Variants in PCDHGA2 observed in about 807,000 individuals in gnomAD.
PCDHGA2 encodes the protein protocadherin gamma subfamily A, 2, also known as protocadherin gamma-A2.
In PCDHGA2, 40 loss-of-function variants were observed where a neutral mutation model predicts 59.2. The observed-to-expected ratio is 0.68, with a 90% confidence interval of 0.52 to 0.88. The LOEUF is 0.88. Ranked by LOEUF, PCDHGA2 falls within the 40% of genes least tolerant of loss-of-function variation. The pLI, the probability that PCDHGA2 is intolerant of heterozygous loss-of-function variation, is 0.00. For synonymous variants in PCDHGA2, 560 were observed against 526.0 expected (o/e 1.06, Z -0.89); for missense variants, 1,226 against 1,204.0 (o/e 1.02, Z -0.27).
At chr5:141,389,944 A>T in intron 1 of PCDHGA2, 1 of 1,613,974 alleles carries the variant, frequency 6.2e-7, no homozygotes, top group East Asian at 2.2e-5. Context: ...GCTGAGCTGC[A>T]GTTTTACCTA....
Position 141,372,509 on chromosome 5 carries a change from C to T in PCDHGA2, c.2424+31114C>T, listed in dbSNP as rs770630386. 11 of 1,614,056 alleles carry T rather than the reference C, an allele frequency of 6.8e-6. No homozygotes were observed. The South Asian group carries it at 9.9e-5, about 14-fold the overall frequency. On this transcript the variant is annotated intron_variant, in intron 1 of 3. Coordinates refer to ENST00000394576, the MANE Select transcript of PCDHGA2 (RefSeq NM_018915.4). Reference sequence around the variant, plus strand: ...CCTTGATCTCAGTGCTCTTCCTCCTCGCGGTGATTCTGGCAATCTCCCTGC... The same window carrying T: ...CCTTGATCTCAGTGCTCTTCCTCCTTGCGGTGATTCTGGCAATCTCCCTGC...
Position 141,340,690 on chromosome 5 carries a change from T to C in PCDHGA2, c.1719T>C (p.Thr573=), listed in dbSNP as rs61749028. The C allele has an allele frequency of 4.3e-4, 697 of 1,614,128 alleles. 3 individuals carry two copies. The African/African-American group carries it at 7.7e-3, about 18-fold the overall frequency. The change falls in exon 1 of 4, where the codon ACT becomes ACC. Residue 573 remains threonine (T), a synonymous_variant. Coordinates refer to ENST00000394576, the MANE Select transcript of PCDHGA2 (RefSeq NM_018915.4). The stretch of plus-strand genomic sequence containing the variant: ...CTGCCTTCCCCACAGACGGTTCCAC[T>C]GGCGTGGAGCTGGCGCCCCGCTCCG... ...LYPAFPTDGS[T]GVELAPRSAE...
At chr5:141,396,729 T>C (rs1197764011) in intron 1 of PCDHGA2, 1 of 152,214 alleles carries the variant, frequency 6.6e-6, no homozygotes, top group Non-Finnish European at 1.5e-5. Flanking sequence ...CCTGAATTGA[T>C]TGTTGTAAGG....
intron 1 of PCDHGA2, chr5:141,350,389 A>T (rs531444632): frequency 6.3e-7 from 1 of 1,596,640 alleles, no homozygotes; most frequent in South Asian, 1.1e-5. Context: ...CCAACGGCTC[A>T]CGGGTGGGGA....
At chr5:141,399,470 TC>T in intron 1 of PCDHGA2, 1 of 1,614,018 alleles carries the variant, frequency 6.2e-7, no homozygotes, top group South Asian at 1.1e-5. Context: ...GCTCCGGTTT[TC>T]CACCAGGCGT....
At chr5:141,366,024 C>G in intron 1 of PCDHGA2, 1 of 1,614,260 alleles carries the variant, frequency 6.2e-7, no homozygotes, top group Non-Finnish European at 8.5e-7. Context: ...ATCCTGTACC[C>G]CGCCCTCCCC....
chr5:141,360,755 T>A, intron 1 of PCDHGA2: 1 of 1,613,972 alleles, frequency 6.2e-7, no homozygotes, highest in Non-Finnish European at 8.5e-7. Flanking sequence ...GAGCACAGTT[T>A]ACATCAATTG....
At chr5:141,400,684 G>GT (rs1422516327) in intron 1 of PCDHGA2, 1 of 834,872 alleles carries the variant, frequency 1.2e-6, no homozygotes, top group African/African-American at 1.7e-5. Flanking sequence ...TAAATTGTGA[G>GT]TTTTTATGTC....
In PCDHGA2 at chr5:141,341,374, AAG is replaced by A. The variant is rs1757050551; in HGVS notation, c.2407_2408del (p.Glu803ArgfsTer31). On this transcript the variant is annotated frameshift_variant, in exon 1 of 4. Coordinates refer to ENST00000394576, the MANE Select transcript of PCDHGA2 (RefSeq NM_018915.4). LOFTEE classifies it high-confidence loss of function. ...SAPQSLLEEE[R>X]EETFSQQAPP... ...CGCCTCAATCTCTACTCGAAGAAGA[AAG>A]AGAAGAAACGTTTTCTCAGGTAATC... 4 of 1,614,264 alleles carry A rather than the reference AAG, an allele frequency of 2.5e-6. No homozygotes were observed. Among genetic ancestry groups the A allele is most frequent in the Non-Finnish European group, 3.4e-6 (4 of 1,180,040 alleles).
At chr5:141,396,104 A>T (rs1423560620) in intron 1 of PCDHGA2, 1 of 152,258 alleles carries the variant, frequency 6.6e-6, no homozygotes, top group African/African-American at 2.4e-5. Flanking sequence ...TGTTGATATT[A>T]AGAACCAATG....
chr5:141,427,742 C>T, intron 1 of PCDHGA2: 2 of 1,247,208 alleles, frequency 1.6e-6, no homozygotes, highest in Non-Finnish European at 2.3e-6. Context: ...GCCAAGTCTC[C>T]TACTCCATCG....
intron 1 of PCDHGA2, chr5:141,422,603 C>G: frequency 6.2e-7 from 1 of 1,614,078 alleles, no homozygotes; most frequent in Non-Finnish European, 8.5e-7. Context: ...TCCTCTTACT[C>G]TGCCTACATT....
chr5:141,372,601 T>C, intron 1 of PCDHGA2: 1 of 1,614,028 alleles, frequency 6.2e-7, no homozygotes, highest in Non-Finnish European at 8.5e-7. Context: ...TTCAAGACTG[T>C]ACCTGGAGTT....
intron 1 of PCDHGA2, among the ~76,000 whole-genome samples, chr5:141,425,997 A>T (rs1365887915): frequency 6.6e-6 from 1 of 152,174 alleles, no homozygotes; most frequent in African/African-American, 2.4e-5. Context: ...GAATTAGCAA[A>T]GGCTTCCGGC....
At chr5:141,417,955 G>C in intron 1 of PCDHGA2, 2 of 1,613,634 alleles carry the variant, frequency 1.2e-6, no homozygotes, top group Middle Eastern at 1.7e-4. Flanking sequence ...TGTGTGAGCC[G>C]ATCCGCTACT....
At chr5:141,362,219 C>T (rs368538544) in intron 1 of PCDHGA2, 249 of 1,613,916 alleles carry the variant, frequency 1.5e-4, no homozygotes, top group Non-Finnish European at 1.9e-4. Flanking sequence ...CTGGTTGTGG[C>T]CTTGGCCTTG....
intron 1 of PCDHGA2, chr5:141,350,564 G>C (rs1265156661): frequency 5.6e-6 from 9 of 1,613,938 alleles, no homozygotes; most frequent in Non-Finnish European, 7.6e-6. Context: ...GTGTGCACTA[G>C]AATTCGAAAC....
intron 1 of PCDHGA2, chr5:141,350,940 T>A (rs1185001853): frequency 6.2e-7 from 1 of 1,614,094 alleles, no homozygotes; most frequent in South Asian, 1.1e-5. Context: ...CATATCTGGA[T>A]CCGAGTTACG....
chr5:141,500,350 A>G (rs2099799466), intron 2 of PCDHGA2, among the ~76,000 whole-genome samples: 1 of 151,976 alleles, frequency 6.6e-6, no homozygotes, highest in African/African-American at 2.4e-5. Flanking sequence ...CTGGGACTAC[A>G]GGCGCCCACT....
Sources: gnomAD v4.1 joint callset for allele counts (sites outside exome capture counted in the v4.1 genomes callset) on GRCh38, gnomAD v4.1.1 for gene constraint, MANE v1.5 for transcripts, NCBI Gene and HGNC (gene_info 2026-07-23, HGNC 2026-07-21) for gene names.